CMSS1: variants seen among roughly 807,000 people sequenced by gnomAD.
The protein encoded by CMSS1 is protein CMSS1.
Under a neutral mutation model 43.5 loss-of-function variants are expected in CMSS1, and 33 were observed. That is an observed-to-expected ratio of 0.76 (90% CI 0.57 to 1.01). The LOEUF (loss-of-function observed/expected upper bound fraction) is 1.01. CMSS1 is among the 50% of genes least tolerant of loss of function. The probability of loss-of-function intolerance (pLI) is 0.00; values close to 1 mark genes in which losing one functional copy is unlikely to be tolerated. For synonymous variants in CMSS1, 115 were observed against 117.2 expected (o/e 0.98, Z 0.12); for missense variants, 313 against 326.4 (o/e 0.96, Z 0.32).
Position 100,147,009 on chromosome 3 carries a change from T to C in CMSS1, c.101T>C (p.Val34Ala), listed in dbSNP as rs765385636. The C allele has an allele frequency of 2.5e-6, 4 of 1,613,896 alleles. No individual in the cohort carries two copies. The highest frequency in any genetic ancestry group is 3.4e-6 in the Non-Finnish European group (4 of 1,179,848). Residue 34 changes from valine to alanine, a missense_variant, in exon 2 of 10, where the codon GTG (valine) becomes GCG (alanine). Physicochemically the swap from Val to Ala is moderately conservative, Grantham distance 64. Coordinates refer to ENST00000421999, the MANE Select transcript of CMSS1 (RefSeq NM_032359.4). ...SDGEGEGDTE[V>A]MQQETVPVPV... ...GGTGAAGGAGAAGGAGACACAGAAG[T>C]GATGCAGCAGGAGACAGTTCCAGTT...
intron 1 of CMSS1, among the ~76,000 whole-genome samples, chr3:100,112,842 T>C (rs1024179430): frequency 2.0e-5 from 3 of 152,238 alleles, no homozygotes; most frequent in African/African-American, 7.2e-5. Context: ...TTAAGCATAA[T>C]GAGAGTTTCA....
intron 1 of CMSS1, among the ~76,000 whole-genome samples, chr3:100,096,669 AAAAG>A (rs1365340328): frequency 2.0e-5 from 3 of 151,490 alleles, no homozygotes; most frequent in African/African-American, 7.2e-5. Flanking sequence ...ACAAAAAAAA[AAAAG>A]AAAGAATGAA....
intron 1 of CMSS1, among the ~76,000 whole-genome samples, chr3:100,089,863 A>G (rs1299604748): frequency 6.6e-6 from 1 of 152,224 alleles, no homozygotes; most frequent in Non-Finnish European, 1.5e-5. Context: ...TAGTTCAGTG[A>G]CCTGGAGCAA....
At chr3:99,902,193 C>T (rs1706458692) in intron 1 of CMSS1, among the ~76,000 whole-genome samples, 1 of 152,026 alleles carries the variant, frequency 6.6e-6, no homozygotes, top group African/African-American at 2.4e-5. Context: ...TCTTAGTATT[C>T]GAGACATTCT....
At chr3:99,833,789 G>A (rs1942783743) in intron 1 of CMSS1, among the ~76,000 whole-genome samples, 2 of 152,246 alleles carry the variant, frequency 1.3e-5, no homozygotes. Flanking sequence ...TGGTAATTGA[G>A]GTGGTGTGGG....
At chr3:100,096,914 T>TA (rs1357358862) in intron 1 of CMSS1, among the ~76,000 whole-genome samples, 1 of 152,002 alleles carries the variant, frequency 6.6e-6, no homozygotes, top group Non-Finnish European at 1.5e-5. Flanking sequence ...CCACAAAAAT[T>TA]AAAAATAAAA....
intron 1 of CMSS1, among the ~76,000 whole-genome samples, chr3:99,894,789 G>A (rs563811204): frequency 2.4e-4 from 37 of 152,214 alleles, no homozygotes; most frequent in African/African-American, 7.2e-4. Flanking sequence ...TGATTTTGTA[G>A]CACAATAATA....
At chr3:99,897,997 A>T (rs1220893576) in intron 1 of CMSS1, 5 of 152,242 alleles carry the variant, frequency 3.3e-5, no homozygotes, top group Admixed American at 3.3e-4. Context: ...CTGATTCCTC[A>T]TACCAATGTT....
At position 99,910,454 on chromosome 3, in the gene CMSS1, T is replaced by A; in HGVS notation, c.64+92411T>A. ...GTTTCATTTCTTTAATAAATCTTCC[T>A]ATCACTGAGAGCTTTTAAAGTAAAC... On this transcript the variant is annotated intron_variant, in intron 1 of 9. Transcript: ENST00000421999. 1.5e-5 allele frequency among the ~76,000 whole-genome samples: 2 copies of A among 136,330 alleles called. 1 individual carries two copies. Among genetic ancestry groups the A allele is most frequent in the Non-Finnish European group, 3.4e-5 (2 of 59,670 alleles). 89.4% of individuals were successfully genotyped at this position (136,330 alleles called of 152,430 possible). A position where few individuals can be genotyped will look rare whatever the true frequency, so the allele number is the denominator to read the frequency against.
chr3:100,071,280 G>T (rs891719094), intron 1 of CMSS1, among the ~76,000 whole-genome samples: 1 of 152,004 alleles, frequency 6.6e-6, no homozygotes, highest in Non-Finnish European at 1.5e-5. Context: ...TACATAACTA[G>T]CTGGGTAAGA....
intron 1 of CMSS1, chr3:99,930,867 T>C (rs372946403): frequency 5.6e-6 from 9 of 1,613,068 alleles, no homozygotes; most frequent in Admixed American, 1.7e-5. Flanking sequence ...TTCTCTGCCT[T>C]GGGACACGGA....
intron 1 of CMSS1, among the ~76,000 whole-genome samples, chr3:100,087,561 T>C (rs2066031642): frequency 6.6e-6 from 1 of 152,188 alleles, no homozygotes; most frequent in Non-Finnish European, 1.5e-5. Context: ...TCAAACCTTT[T>C]GCTTTTTTTG....
chr3:100,111,982 A>G (rs1209292855), intron 1 of CMSS1, among the ~76,000 whole-genome samples: 1 of 152,184 alleles, frequency 6.6e-6, no homozygotes, highest in African/African-American at 2.4e-5. Context: ...GCATCTGGAG[A>G]CCATGTTTGC....
chr3:99,850,153 C>T (rs1278569596), intron 1 of CMSS1: 1 of 1,611,080 alleles, frequency 6.2e-7, no homozygotes. Flanking sequence ...TAATTTTTCA[C>T]TCATTGTTTT....
intron 1 of CMSS1, among the ~76,000 whole-genome samples, chr3:99,975,732 G>C (rs186051838): frequency 2.3e-4 from 35 of 152,308 alleles, no homozygotes; most frequent in Admixed American, 2.0e-3. Flanking sequence ...AAAGTCCTGA[G>C]TATATACTCA....
intron 1 of CMSS1, 48 bp from the exon 2 acceptor site, chr3:100,146,925 C>CTCAGAAAGAGAAA: frequency 6.3e-7 from 1 of 1,582,354 alleles, no homozygotes; most frequent in Non-Finnish European, 8.6e-7. Context: ...ATTGCACTAG[C>CTCAGAAAGAGAAA]AATGAGAGAG....
intron 1 of CMSS1, chr3:99,847,814 G>T: frequency 3.0e-6 from 1 of 334,750 alleles, no homozygotes; most frequent in Non-Finnish European, 4.3e-6. Flanking sequence ...TGGGACATAG[G>T]TCCTGTTTGT....
intron 1 of CMSS1, chr3:99,925,909 A>G: frequency 1.7e-5 from 17 of 984,688 alleles, no homozygotes; most frequent in Non-Finnish European, 2.1e-5. Flanking sequence ...GCACGGGGTA[A>G]GCTGCCACCA....
intron 1 of CMSS1, among the ~76,000 whole-genome samples, chr3:100,128,034 A>AT (rs1255891508): frequency 6.6e-6 from 1 of 152,208 alleles, no homozygotes; most frequent in Non-Finnish European, 1.5e-5. Context: ...CTCTGCCTAT[A>AT]TGACAGCCAA....
Sources: gnomAD v4.1 joint callset for allele counts (sites outside exome capture counted in the v4.1 genomes callset) on GRCh38, gnomAD v4.1.1 for gene constraint, MANE v1.5 for transcripts, NCBI Gene and HGNC (gene_info 2026-07-23, HGNC 2026-07-21) for gene names.